MED27: variants seen among roughly 807,000 people sequenced by gnomAD.
MED27 encodes mediator of RNA polymerase II transcription subunit 27.
Under a neutral mutation model 38.2 loss-of-function variants are expected in MED27, and 30 were observed. The observed-to-expected ratio is 0.79, with a 90% CI of 0.59 to 1.07. The LOEUF is 1.07. Among genes scored for constraint, MED27 ranks in the 50% least tolerant of loss-of-function variants. The pLI is 0.00. For missense variants in MED27, 289 were observed against 397.5 expected (o/e 0.73, Z 2.32); for synonymous variants, 122 against 153.5 (o/e 0.79, Z 1.52).
At chr9:131,878,474 A>G (rs1218373369) in intron 6 of MED27, among the ~76,000 whole-genome samples, 1 of 152,076 alleles carries the variant, frequency 6.6e-6, no homozygotes, top group Non-Finnish European at 1.5e-5. Flanking sequence ...CTGTGGATGG[A>G]GAGCTGGACA....
At chr9:131,927,224 C>CAGCA (rs1226718333) in intron 4 of MED27, among the ~76,000 whole-genome samples, 1 of 152,314 alleles carries the variant, frequency 6.6e-6, no homozygotes, top group Admixed American at 6.5e-5. Flanking sequence ...ACAGAGCAGA[C>CAGCA]AGCACCACAA....
At chr9:131,895,877 G>C (rs897176607) in intron 4 of MED27, among the ~76,000 whole-genome samples, 4 of 151,852 alleles carry the variant, frequency 2.6e-5, no homozygotes, top group Non-Finnish European at 5.9e-5. Context: ...AAGAAAGGGA[G>C]GGAGGGAGAG....
chr9:131,950,326 T>C (rs572350708), intron 3 of MED27, among the ~76,000 whole-genome samples: 145 of 152,304 alleles, frequency 9.5e-4, no homozygotes, highest in African/African-American at 3.3e-3. Context: ...AAGCAACCTG[T>C]GGGCGGCAGA....
intron 2 of MED27, among the ~76,000 whole-genome samples, chr9:132,018,145 TAAA>T (rs1473516290): frequency 6.6e-6 from 1 of 152,216 alleles, no homozygotes; most frequent in Non-Finnish European, 1.5e-5. Context: ...CCCCAAACTC[TAAA>T]ATTCAATTCC....
intron 4 of MED27, among the ~76,000 whole-genome samples, chr9:131,925,453 A>G (rs1020683638): frequency 3.3e-5 from 5 of 152,240 alleles, no homozygotes; most frequent in African/African-American, 1.2e-4. Flanking sequence ...AGAAAAACAG[A>G]AACCCAGAAA....
At chr9:131,895,071 G>A (rs1304653886) in intron 4 of MED27, among the ~76,000 whole-genome samples, 6 of 152,102 alleles carry the variant, frequency 3.9e-5, no homozygotes, top group East Asian at 1.9e-4. Context: ...AAGCAGATAC[G>A]GGCATCATGC....
At chr9:131,977,358 G>C (rs1175602318) in intron 3 of MED27, among the ~76,000 whole-genome samples, 1 of 152,204 alleles carries the variant, frequency 6.6e-6, no homozygotes, top group Non-Finnish European at 1.5e-5. Context: ...GTTACCACTT[G>C]TCATTACTAC....
Position 131,911,012 on chromosome 9 carries a change from G to T in MED27, c.574-17020C>A, listed in dbSNP as rs555579243. ...TGCCTGTTTGTAAATAGCAAGATGG[G>T]ATGCAATTAAACCATGAGAGGCTAA... On this transcript the variant is annotated intron_variant, in intron 4 of 7. Transcript: ENST00000292035. Among the ~76,000 whole-genome samples the T allele has an allele frequency of 3.9e-5, 6 of 152,164 alleles. No individual in the cohort carries two copies. In the South Asian group the frequency reaches 1.0e-3, roughly 26 times the overall value.
At chr9:131,875,185 G>A (rs1472340357) in intron 6 of MED27, among the ~76,000 whole-genome samples, 1 of 152,226 alleles carries the variant, frequency 6.6e-6, no homozygotes. Flanking sequence ...TCCAGTTCCT[G>A]GACCCAGGAT....
In MED27 at chr9:131,862,548, T is replaced by C. The variant is rs1206046715; in HGVS notation, c.801+515A>G. ...CGTGGTGTCAACACTCCCACCAAGTTTGATTTCAAACTAGTAGTGGTTGAA... is the reference window on the plus strand; with the variant it reads ...CGTGGTGTCAACACTCCCACCAAGTCTGATTTCAAACTAGTAGTGGTTGAA... On this transcript the variant is annotated intron_variant, in intron 7 of 7. Coordinates refer to ENST00000292035, the MANE Select transcript of MED27 (RefSeq NM_004269.4). This position sits in a 1 kb window ranked among gnomAD's most constrained non-coding sequence, Gnocchi z 4.6. Among the ~76,000 whole-genome samples the C allele has an allele frequency of 1.3e-5, 2 of 152,188 alleles. No homozygotes were observed. Among genetic ancestry groups the C allele is most frequent in the Non-Finnish European group, 2.9e-5 (2 of 68,040 alleles).
intron 6 of MED27, among the ~76,000 whole-genome samples, chr9:131,868,321 T>C (rs1257530711): frequency 6.6e-6 from 1 of 152,232 alleles, no homozygotes; most frequent in Non-Finnish European, 1.5e-5. Flanking sequence ...CTCTGTCGCC[T>C]AGGCTGGAGG....
At chr9:131,874,574 T>G (rs1218700460) in intron 6 of MED27, among the ~76,000 whole-genome samples, 5 of 151,708 alleles carry the variant, frequency 3.3e-5, no homozygotes, top group Non-Finnish European at 1.5e-5. Context: ...GAAGCAGAGG[T>G]GGACACTGCC....
chr9:131,944,638 C>T (rs1433569376), intron 3 of MED27, among the ~76,000 whole-genome samples: 1 of 151,828 alleles, frequency 6.6e-6, no homozygotes, highest in Non-Finnish European at 1.5e-5. Context: ...AGCAATTCTC[C>T]CTGCTGCCTC....
At chr9:131,980,745 TAAA>T (rs1045517842) in intron 3 of MED27, among the ~76,000 whole-genome samples, 1 of 141,280 alleles carries the variant, frequency 7.1e-6, no homozygotes, top group African/African-American at 2.6e-5. Context: ...TAGTCCCATT[TAAA>T]AAAAAAAAAA....
chr9:131,970,433 C>A (rs533816135), intron 3 of MED27, among the ~76,000 whole-genome samples: 1 of 152,188 alleles, frequency 6.6e-6, no homozygotes, highest in Admixed American at 6.5e-5. Context: ...GCTCTCTCCA[C>A]GGAAGAGCCC....
At chr9:131,920,945 C>A (rs112047466) in intron 4 of MED27, among the ~76,000 whole-genome samples, 6 of 152,022 alleles carry the variant, frequency 3.9e-5, no homozygotes, top group African/African-American at 1.5e-4. Context: ...TGATGAGAGG[C>A]AGGATGGCAG....
rs576008372 is a variant in MED27, at chr9:132,073,276, T to G, written c.348+4166A>C. 5.1e-5 allele frequency: 49 copies of G among 962,482 alleles called. No homozygotes were observed. The African/African-American group carries it at 8.1e-4, about 16-fold the overall frequency. The allele number at this position is 962,482 out of a possible 1,614,324, so 59.6% of individuals were successfully genotyped here. ...TCTCAGTAATGGCTGAAAATGGAAA[T>G]GCCCTCACTGTACTTCATCAAAAAT... On this transcript the variant is annotated intron_variant, in intron 2 of 7. Coordinates refer to ENST00000292035, the MANE Select transcript of MED27 (RefSeq NM_004269.4).
At chr9:131,911,618 T>C (rs1830189408) in intron 4 of MED27, among the ~76,000 whole-genome samples, 2 of 152,360 alleles carry the variant, frequency 1.3e-5, no homozygotes, top group South Asian at 4.1e-4. Context: ...AAAGTTCTCA[T>C]GTTTTAACCT....
chr9:132,063,328 T>C (rs1196695964), intron 2 of MED27, among the ~76,000 whole-genome samples: 1 of 152,094 alleles, frequency 6.6e-6, no homozygotes, highest in Non-Finnish European at 1.5e-5. Context: ...TACGTACCCA[T>C]CACTACGTGA....
Sources: allele counts gnomAD v4.1 joint callset (sites outside exome capture counted in the v4.1 genomes callset), GRCh38; gene constraint gnomAD v4.1.1; non-coding constraint Gnocchi (gnomAD v3.1); transcripts MANE v1.5; gene names NCBI Gene and HGNC (gene_info 2026-07-23, HGNC 2026-07-21).